The following GPR158 variants were observed in gnomAD, a reference collection of about 807,000 sequenced individuals.
GPR158 encodes the protein metabotropic glycine receptor.
A neutral mutation model predicts 78.2 loss-of-function variants in GPR158; 30 were observed. That is an observed-to-expected ratio of 0.38 (90% CI 0.29 to 0.52). The LOEUF (loss-of-function observed/expected upper bound fraction) is 0.52, where lower values mean the gene tolerates loss of function less well. Ranked by LOEUF, GPR158 falls within the 20% of genes least tolerant of loss-of-function variation. The pLI is 0.83. For missense variants in GPR158, 1,463 were observed against 1,523.5 expected, an observed-to-expected ratio of 0.96 and a Z score of 0.66; for synonymous variants, 581 against 591.1, an observed-to-expected ratio of 0.98 and a Z score of 0.25.
chr10:25,533,448 A>G (rs995263328), intron 5 of GPR158, among the ~76,000 whole-genome samples: 5 of 152,146 alleles, frequency 3.3e-5, no homozygotes, highest in African/African-American at 1.2e-4. Flanking sequence ...TGGAAGACCA[A>G]TACACTGGTT....
rs570294341 is a variant in GPR158, at chr10:25,266,197, T to C, written c.1008+45040T>C. Among the ~76,000 whole-genome samples the C allele has an allele frequency of 3.3e-5, 5 of 152,328 alleles. 1 individual carries two copies. In the South Asian group the frequency reaches 1.0e-3, roughly 32 times the overall value. ...TAAGTTTCTTTGTTAGAGGTTTTCA[T>C]AGAACTGGGTTTCTTTCTTTCAGAG... On this transcript the variant is annotated intron_variant, in intron 2 of 10. Coordinates refer to ENST00000376351, the MANE Select transcript of GPR158 (RefSeq NM_020752.3).
At chr10:25,249,592 C>G (rs1271186535) in intron 2 of GPR158, among the ~76,000 whole-genome samples, 3 of 151,716 alleles carry the variant, frequency 2.0e-5, no homozygotes, top group Non-Finnish European at 2.9e-5. Context: ...GTCTTTGGTT[C>G]TGTTTATATG....
At chr10:25,261,273 C>A (rs1853963784) in intron 2 of GPR158, among the ~76,000 whole-genome samples, 1 of 152,156 alleles carries the variant, frequency 6.6e-6, no homozygotes, top group East Asian at 1.9e-4. Flanking sequence ...CACCTGCCTT[C>A]TCACTTTCCT....
At chr10:25,356,954 A>G (rs1318364331) in intron 2 of GPR158, among the ~76,000 whole-genome samples, 1 of 152,080 alleles carries the variant, frequency 6.6e-6, no homozygotes, top group Non-Finnish European at 1.5e-5. Context: ...AGACTTGTTG[A>G]TTGGCTTTGA....
chr10:25,311,814 T>A (rs1384267014), intron 2 of GPR158, among the ~76,000 whole-genome samples: 3 of 145,180 alleles, frequency 2.1e-5, no homozygotes, highest in Non-Finnish European at 3.0e-5. Context: ...GTAATCCATT[T>A]TTTACAGTTA....
chr10:25,598,209 A>G lies in GPR158; in HGVS notation c.2583A>G (p.Leu861=). The stretch of plus-strand genomic sequence containing the variant: ...CGGGTAAAAAACTAACACAAAAACT[A>G]AAAGAAGACAGCGAGGCTGAGTCCA... ...SLSGKKLTQK[L]KEDSEAESTE... Residue 861 remains leucine, a synonymous_variant, in exon 11 of 11, where the codon CTA becomes CTG. Transcript: ENST00000376351. 2 of 1,614,142 alleles carry G rather than the reference A, an allele frequency of 1.2e-6. No homozygotes were observed. The highest frequency in any genetic ancestry group is 1.7e-6 in the Non-Finnish European group (2 of 1,180,018).
chr10:25,255,992 A>G (rs1237565313), intron 2 of GPR158, among the ~76,000 whole-genome samples: 1 of 152,218 alleles, frequency 6.6e-6, no homozygotes, highest in Non-Finnish European at 1.5e-5. Context: ...CATATGCCAT[A>G]TCTTTTCAGA....
chr10:25,226,582 A>G (rs1462621830), intron 2 of GPR158, among the ~76,000 whole-genome samples: 1 of 152,248 alleles, frequency 6.6e-6, no homozygotes, highest in Non-Finnish European at 1.5e-5. Flanking sequence ...GTCTCACAGT[A>G]AGTGAGGAGT....
At chr10:25,438,083 G>C (rs1835022358) in intron 4 of GPR158, among the ~76,000 whole-genome samples, 1 of 152,198 alleles carries the variant, frequency 6.6e-6, no homozygotes, top group African/African-American at 2.4e-5. Context: ...CAGCAACAGT[G>C]ATGCTGATGA....
At chr10:25,290,868 G>C (rs944413184) in intron 2 of GPR158, among the ~76,000 whole-genome samples, 25 of 151,900 alleles carry the variant, frequency 1.6e-4, no homozygotes, top group African/African-American at 5.5e-4. Flanking sequence ...TGTACTCTAT[G>C]CCTTTGATTG....
rs79093790 is a variant in GPR158, at chr10:25,601,526, C to T, written c.*2252C>T. On this transcript the variant is annotated 3_prime_UTR_variant, in exon 11 of 11. Coordinates refer to ENST00000376351, the MANE Select transcript of GPR158 (RefSeq NM_020752.3). ...CAAGCATCAGTGACTTTCTATTGCA[C>T]TTCAGGATTGATCCTGCTAGAGATG... 2 of 152,576 alleles carry T rather than the reference C, an allele frequency of 1.3e-5. No homozygotes were observed. Among genetic ancestry groups the T allele is most frequent in the Admixed American group, 6.6e-5 (1 of 15,262 alleles). 9.5% of individuals were successfully genotyped at this position (152,576 alleles called of 1,614,324 possible).
At chr10:25,213,047 C>G (rs2130672262) in intron 1 of GPR158, among the ~76,000 whole-genome samples, 1 of 152,260 alleles carries the variant, frequency 6.6e-6, no homozygotes, top group South Asian at 2.1e-4. Context: ...AGCAACCTTA[C>G]TGAACTTTCT....
intron 2 of GPR158, among the ~76,000 whole-genome samples, chr10:25,222,961 T>G (rs1294260931): frequency 1.3e-5 from 2 of 152,168 alleles, no homozygotes; most frequent in Non-Finnish European, 2.9e-5. Flanking sequence ...GACTAGATGG[T>G]CATACTGAAA....
At chr10:25,558,664 T>C (rs1306167179) in intron 6 of GPR158, among the ~76,000 whole-genome samples, 1 of 152,220 alleles carries the variant, frequency 6.6e-6, no homozygotes, top group Non-Finnish European at 1.5e-5. Context: ...ACCCAGCATT[T>C]GTACATGCTC....
At chr10:25,488,103 T>C (rs945727211) in intron 5 of GPR158, among the ~76,000 whole-genome samples, 1 of 152,156 alleles carries the variant, frequency 6.6e-6, no homozygotes, top group Admixed American at 6.6e-5. Flanking sequence ...AAGAGAAGTA[T>C]GGAAGTGGAT....
intron 5 of GPR158, among the ~76,000 whole-genome samples, chr10:25,544,504 C>T (rs577309721): frequency 2.0e-5 from 3 of 152,004 alleles, no homozygotes; most frequent in East Asian, 1.9e-4. Flanking sequence ...GTTATCAGTG[C>T]GTATGTGTTG....
intron 4 of GPR158, among the ~76,000 whole-genome samples, chr10:25,464,220 C>T (rs1490652131): frequency 6.6e-6 from 1 of 152,132 alleles, no homozygotes; most frequent in Admixed American, 6.6e-5. Flanking sequence ...AGCACGTACT[C>T]CTGCTACTGT....
Position 25,176,337 on chromosome 10 carries a change from G to T in GPR158, c.902+15G>T. The T allele has an allele frequency of 6.5e-7, 1 of 1,546,390 alleles. No homozygotes were observed. Among genetic ancestry groups the T allele is most frequent in the South Asian group, 1.2e-5 (1 of 80,190 alleles). ...CCGGAATTCAGGTAGGGAGGGCCGG[G>T]GGGCAGGGGGGAAGGCAAAAGCGAA... On this transcript the variant is annotated intron_variant, in intron 1 of 10. Coordinates refer to ENST00000376351, the MANE Select transcript of GPR158 (RefSeq NM_020752.3). This position sits in a 1 kb window ranked among gnomAD's most constrained non-coding sequence, Gnocchi z 6.3.
intron 2 of GPR158, among the ~76,000 whole-genome samples, chr10:25,367,602 T>C (rs956341868): frequency 6.6e-6 from 1 of 151,832 alleles, no homozygotes; most frequent in African/African-American, 2.4e-5. Flanking sequence ...CCCATAAACA[T>C]GAGAATATCC....
Sources: allele counts gnomAD v4.1 joint callset (sites outside exome capture counted in the v4.1 genomes callset), GRCh38; gene constraint gnomAD v4.1.1; non-coding constraint Gnocchi (gnomAD v3.1); transcripts MANE v1.5; gene names NCBI Gene and HGNC (gene_info 2026-07-23, HGNC 2026-07-21).